The following DSCAM variants were observed in gnomAD, a reference collection of about 807,000 sequenced individuals.
DSCAM encodes cell adhesion molecule DSCAM.
A neutral mutation model predicts 217.7 loss-of-function variants in DSCAM; 47 were observed. The ratio of observed to expected loss-of-function variants is 0.22; its 90% CI spans 0.17 to 0.28. The LOEUF (loss-of-function observed/expected upper bound fraction) is 0.28, where lower values mean the gene tolerates loss of function less well. Ranked by LOEUF, DSCAM falls within the 10% of genes least tolerant of loss-of-function variation. The probability of loss-of-function intolerance (pLI) is 1.00; values close to 1 mark genes in which losing one functional copy is unlikely to be tolerated. For missense variants in DSCAM, 2,080 were observed against 2,618.3 expected, an observed-to-expected ratio of 0.79 and a Z score of 4.49; for synonymous variants, 1,056 against 1,015.3, an observed-to-expected ratio of 1.04 and a Z score of -0.76.
chr21:40,745,017 T>C (rs117139234), intron 1 of DSCAM, among the ~76,000 whole-genome samples: 12,087 of 152,184 alleles, frequency 0.079, 551 homozygotes, highest in Non-Finnish European at 0.093. Flanking sequence ...ACTGAACTTA[T>C]TGAAATTTAT....
intron 3 of DSCAM, among the ~76,000 whole-genome samples, chr21:40,556,907 A>G (rs2146173524): frequency 6.6e-6 from 1 of 152,192 alleles, no homozygotes; most frequent in East Asian, 1.9e-4. Context: ...AAAGTTCTCC[A>G]TCCTCATCAT....
intron 11 of DSCAM, among the ~76,000 whole-genome samples, chr21:40,230,317 T>C (rs2091370332): frequency 1.3e-5 from 2 of 152,218 alleles, no homozygotes; most frequent in South Asian, 4.1e-4. Flanking sequence ...ATCTGAACAT[T>C]GTGCTCTGTT....
chr21:40,233,218 C>A (rs2837524), intron 11 of DSCAM, among the ~76,000 whole-genome samples: 1 of 151,716 alleles, frequency 6.6e-6, no homozygotes, highest in South Asian at 2.1e-4. Flanking sequence ...TTTAAATTTA[C>A]GAGATACATA....
intron 3 of DSCAM, among the ~76,000 whole-genome samples, chr21:40,523,505 G>C (rs1466892020): frequency 6.6e-6 from 1 of 152,150 alleles, no homozygotes; most frequent in Non-Finnish European, 1.5e-5. Flanking sequence ...CAGAGTTTCG[G>C]GGAGGCAGAG....
rs560540372 is a variant in DSCAM at position 40,602,779 on chromosome 21, TTTTAG to T, written c.508+90026_508+90030del. Among the ~76,000 whole-genome samples the T allele has an allele frequency of 2.2e-4, 34 of 152,216 alleles. No homozygotes were observed. In the South Asian group the frequency reaches 6.4e-3, roughly 29 times the overall value. On this transcript the variant is annotated intron_variant, in intron 3 of 32. Transcript: ENST00000400454. ...TTATTGACATTTTTAAAGAACCAGATTTTAGTTTTGCTGATTTTCTCTACTGGTTT... is the reference window on the plus strand; with the variant it reads ...TTATTGACATTTTTAAAGAACCAGATTTTTGCTGATTTTCTCTACTGGTTT...
intron 18 of DSCAM, among the ~76,000 whole-genome samples, chr21:40,135,718 A>G (rs948893819): frequency 6.6e-6 from 1 of 152,190 alleles, no homozygotes; most frequent in African/African-American, 2.4e-5. Context: ...TGTGTCCAGG[A>G]TATTGCATGG....
At chr21:40,094,016 A>G in intron 20 of DSCAM, 142 bp from the exon 21 acceptor site, 4 of 873,940 alleles carry the variant, frequency 4.6e-6, no homozygotes, top group South Asian at 3.9e-5. Context: ...GCTTTGCAAT[A>G]TAAAATGTAA....
intron 3 of DSCAM, among the ~76,000 whole-genome samples, chr21:40,600,257 T>A (rs1444547303): frequency 6.6e-6 from 1 of 152,222 alleles, no homozygotes; most frequent in African/African-American, 2.4e-5. Context: ...AACTGACATT[T>A]CTCACAGTGC....
chr21:40,085,485 T>C (rs2089519930), intron 23 of DSCAM, 117 bp downstream of exon 23: 1 of 922,994 alleles, frequency 1.1e-6, no homozygotes, highest in South Asian at 3.9e-5. Flanking sequence ...TTCTGTAATA[T>C]GGAAACAGAA....
intron 16 of DSCAM, among the ~76,000 whole-genome samples, chr21:40,150,983 T>C (rs528622800): frequency 2.0e-5 from 3 of 152,222 alleles, no homozygotes; most frequent in South Asian, 4.2e-4. Flanking sequence ...TGGAAACATA[T>C]TTTGAATCTG....
At chr21:40,033,162 G>T (rs114463109) in intron 32 of DSCAM, among the ~76,000 whole-genome samples, 4,603 of 152,256 alleles carry the variant, frequency 0.03, 102 homozygotes, top group Non-Finnish European at 0.044. Context: ...TTGTGCCTGG[G>T]GGGGAGGAGC....
At chr21:40,807,688 A>T (rs980789620) in intron 1 of DSCAM, among the ~76,000 whole-genome samples, 4 of 152,228 alleles carry the variant, frequency 2.6e-5, no homozygotes, top group Non-Finnish European at 5.9e-5. Context: ...CAAGTGGGAC[A>T]GAGAAGTAAT....
In DSCAM at chr21:40,312,280, T is replaced by G. The variant is rs751062734; in HGVS notation, c.1863A>C (p.Ser621=). The G allele has an allele frequency of 1.2e-5, 20 of 1,614,120 alleles. No individual in the cohort carries two copies. The highest frequency in any genetic ancestry group is 1.1e-5 in the Non-Finnish European group (13 of 1,180,030). ...QRVFIPCVVV[S]GDLPITITWQ... is the part of the protein sequence containing the mutation. ...AGGTGATCGTGATGGGTAAGTCCCC[T>G]GAGACCACAACACAGGGGATGAAGA... The change falls in exon 9 of 33, where the codon TCA becomes TCC. Residue 621 remains serine, a synonymous_variant. Coordinates refer to ENST00000400454, the MANE Select transcript of DSCAM (RefSeq NM_001389.5).
chr21:40,739,690 T>C (rs2091102372), intron 1 of DSCAM, among the ~76,000 whole-genome samples: 1 of 152,140 alleles, frequency 6.6e-6, no homozygotes, highest in Non-Finnish European at 1.5e-5. Context: ...GAATTCAACA[T>C]ATAATTTTTT....
chr21:40,165,590 G>C (rs901135170), intron 16 of DSCAM, among the ~76,000 whole-genome samples: 1 of 152,240 alleles, frequency 6.6e-6, no homozygotes, highest in South Asian at 2.1e-4. Flanking sequence ...TTTTGTGGCT[G>C]CTTTCTACAG....
rs921669326 is a variant in DSCAM, at chr21:40,011,657, C to T, written c.*1377G>A. On this transcript the variant is annotated 3_prime_UTR_variant, in exon 33 of 33. Transcript: ENST00000400454. ...GGTTGTGGGATAAAGAATGCAGTTC[C>T]GACTATTTATGAGTAAATTCTCTCT... 3.3e-5 allele frequency: 5 copies of T among 152,064 alleles called. No individual in the cohort carries two copies. Among genetic ancestry groups the T allele is most frequent in the African/African-American group, 7.2e-5 (3 of 41,394 alleles). 9.4% of individuals were successfully genotyped at this position (152,064 alleles called of 1,614,324 possible).
chr21:40,739,954 ATTTTTTTTT>A lies in DSCAM; in HGVS notation c.44-31192_44-31184del, dbSNP rs56815777. Among the ~76,000 whole-genome samples the A allele has an allele frequency of 5.5e-3, 326 of 58,986 alleles. 1 individual carries two copies. Among genetic ancestry groups the A allele is most frequent in the African/African-American group, 0.017 (249 of 14,944 alleles). The allele number at this position is 58,986 out of a possible 152,430, so 38.7% of individuals were successfully genotyped here. On this transcript the variant is annotated intron_variant, in intron 1 of 32. Coordinates refer to ENST00000400454, the MANE Select transcript of DSCAM (RefSeq NM_001389.5). ...GCCACCTCTAGATGATGCAGGTGTA[ATTTTTTTTT>A]TTTTTTTTTTTTTTTTTTTTTTTGC...
At position 40,566,888 on chromosome 21, in the gene DSCAM, C is replaced by A. The variant is rs541897391; in HGVS notation, c.508+125922G>T. 1.2e-4 allele frequency among the ~76,000 whole-genome samples: 18 copies of A among 152,150 alleles called. No individual in the cohort carries two copies. The South Asian group carries it at 3.7e-3, about 32-fold the overall frequency. On this transcript the variant is annotated intron_variant, in intron 3 of 32. Transcript: ENST00000400454. Reference sequence around the variant, plus strand: ...CTGACAACAGCCTTGGCTTCATTGGCCCTCTGTGAGACACAGGAAAGTGGG... The same window carrying A: ...CTGACAACAGCCTTGGCTTCATTGGACCTCTGTGAGACACAGGAAAGTGGG...
chr21:40,075,281 C>T (rs560630397), intron 26 of DSCAM, 68 bp from the exon 27 acceptor site: 7 of 1,556,430 alleles, frequency 4.5e-6, no homozygotes, highest in Admixed American at 3.5e-5. Flanking sequence ...TTAGGGATGA[C>T]AGGTTATAAA....
Sources: allele counts gnomAD v4.1 joint callset (sites outside exome capture counted in the v4.1 genomes callset), GRCh38; gene constraint gnomAD v4.1.1; transcripts MANE v1.5; gene names NCBI Gene and HGNC (gene_info 2026-07-23, HGNC 2026-07-21).